C4BPA: variants seen among roughly 807,000 people sequenced by gnomAD.
C4BPA encodes complement component 4 binding protein alpha.
Under a neutral mutation model 63.7 loss-of-function variants are expected in C4BPA, and 31 were observed. The observed-to-expected ratio is 0.49, with a 90% CI of 0.37 to 0.66. The LOEUF is 0.66. Among genes scored for constraint, C4BPA ranks in the 30% least tolerant of loss-of-function variants. The pLI is 0.00. For synonymous variants in C4BPA, 259 were observed against 254.7 expected, an observed-to-expected ratio of 1.02 and a Z score of -0.16; for missense variants, 572 against 723.3, an observed-to-expected ratio of 0.79 and a Z score of 2.40.
At position 207,143,809 on chromosome 1, in the gene C4BPA, C is replaced by T; in HGVS notation, c.1445-9C>T. 6.3e-7 allele frequency: 1 copy of T among 1,599,532 alleles called. No homozygotes were observed. Among genetic ancestry groups the T allele is most frequent in the Non-Finnish European group, 8.6e-7 (1 of 1,167,732 alleles). Reference sequence around the variant, plus strand: ...TTACAGATTTCTTAAAAATATGTTTCCATTACAGCTCTGTGTCGGAAACCA... The same window carrying T: ...TTACAGATTTCTTAAAAATATGTTTTCATTACAGCTCTGTGTCGGAAACCA... On this transcript the variant is annotated splice_polypyrimidine_tract_variant and intron_variant, in intron 10 of 11. Transcript: ENST00000367070.
intron 9 of C4BPA, among the ~76,000 whole-genome samples, chr1:207,139,910 T>TG (rs2102364218): frequency 6.6e-6 from 1 of 152,330 alleles, no homozygotes; most frequent in Non-Finnish European, 1.5e-5. Flanking sequence ...GACTTTTTAT[T>TG]GGGCCAAATG....
In C4BPA at chr1:207,124,161, C is replaced by T. The variant is rs1412438864; in HGVS notation, c.515-14C>T. On this transcript the variant is annotated splice_polypyrimidine_tract_variant and intron_variant, in intron 5 of 11. Transcript: ENST00000367070. ...TTCGCTGAGTATTTCTTTCTCTTCA[C>T]TCACTTACCTCAGTTGTCAAGTGTA... 1 of 1,607,714 alleles carries T rather than the reference C, an allele frequency of 6.2e-7. No individual in the cohort carries two copies.
At chr1:207,107,610 G>A (rs951478313) in intron 1 of C4BPA, among the ~76,000 whole-genome samples, 2 of 152,128 alleles carry the variant, frequency 1.3e-5, no homozygotes, top group African/African-American at 4.8e-5. Flanking sequence ...ACTGAAGCAT[G>A]GTGTTCTAAG....
At chr1:207,114,068 GT>G in intron 2 of C4BPA, 31 bp from the exon 3 acceptor site, 2 of 1,591,842 alleles carry the variant, frequency 1.3e-6, no homozygotes, top group Non-Finnish European at 8.6e-7. Flanking sequence ...CAAGGTATAA[GT>G]TTTGGTGCTC....
At chr1:207,134,683 A>T in intron 9 of C4BPA, 91 bp downstream of exon 9, 1 of 858,726 alleles carries the variant, frequency 1.2e-6, no homozygotes, top group Non-Finnish European at 1.8e-6. Context: ...TAGGTAAAAA[A>T]ATTCATATAC....
At chr1:207,120,406 G>A (rs11120233) in intron 4 of C4BPA, among the ~76,000 whole-genome samples, 81,293 of 151,996 alleles carry the variant, frequency 0.53, 24,831 homozygotes, top group East Asian at 0.73. Context: ...TGCTAAATCC[G>A]GCAACTCTAA....
At chr1:207,127,013 A>G (rs1372945417) in intron 7 of C4BPA, 118 bp downstream of exon 7, 2 of 694,286 alleles carry the variant, frequency 2.9e-6, no homozygotes, top group Admixed American at 5.6e-5. Flanking sequence ...ATTTACATCT[A>G]GATCAATAAT....
chr1:207,143,325 G>C (rs968546670), intron 10 of C4BPA, among the ~76,000 whole-genome samples: 17 of 151,756 alleles, frequency 1.1e-4, no homozygotes, highest in African/African-American at 4.1e-4. Flanking sequence ...TCACACACTG[G>C]GGCCTGTCAG....
intron 7 of C4BPA, among the ~76,000 whole-genome samples, chr1:207,128,979 T>G (rs1685106485): frequency 6.6e-6 from 1 of 152,050 alleles, no homozygotes; most frequent in Non-Finnish European, 1.5e-5. Flanking sequence ...AGCAGGAAAG[T>G]TCAAAGAATC....
At chr1:207,132,525 G>A (rs1685183554) in intron 8 of C4BPA, among the ~76,000 whole-genome samples, 1 of 152,128 alleles carries the variant, frequency 6.6e-6, no homozygotes, top group Admixed American at 6.5e-5. Flanking sequence ...ATGAAAAGTG[G>A]TAGTTTAGAT....
chr1:207,137,689 C>T (rs1029541374), intron 9 of C4BPA, among the ~76,000 whole-genome samples: 5 of 152,146 alleles, frequency 3.3e-5, no homozygotes, highest in African/African-American at 9.7e-5. Flanking sequence ...GCGATCTCGG[C>T]TCACGGCAAC....
chr1:207,114,453 G>A (rs1394700559), intron 3 of C4BPA, among the ~76,000 whole-genome samples, 168 bp downstream of exon 3: 1 of 150,422 alleles, frequency 6.6e-6, no homozygotes, highest in Non-Finnish European at 1.5e-5. Context: ...AAAAATTAGG[G>A]GTAGTTAATT....
intron 7 of C4BPA, among the ~76,000 whole-genome samples, chr1:207,130,801 G>A (rs1685143060): frequency 6.6e-6 from 1 of 152,108 alleles, no homozygotes; most frequent in Admixed American, 6.5e-5. Context: ...CTAGGGGGAG[G>A]TGGAAATAGG....
At chr1:207,128,220 A>G (rs1002665206) in intron 7 of C4BPA, among the ~76,000 whole-genome samples, 1 of 152,168 alleles carries the variant, frequency 6.6e-6, no homozygotes, top group African/African-American at 2.4e-5. Context: ...ATTGGCAGTT[A>G]TTATTCTCCC....
At chr1:207,127,607 A>T (rs544872102) in intron 7 of C4BPA, 3 of 152,272 alleles carry the variant, frequency 2.0e-5, no homozygotes, top group Non-Finnish European at 2.9e-5. Context: ...ACTTCTGGGG[A>T]TTTCTGGAGC....
Position 207,144,619 on chromosome 1 carries a change from A to C in C4BPA, c.1696A>C (p.Lys566Gln). 6.2e-7 allele frequency: 1 copy of C among 1,613,492 alleles called. No homozygotes were observed. The highest frequency in any genetic ancestry group is 1.1e-5 in the South Asian group (1 of 91,046). ...GTGTCTCCCAAACCCAGAGGATGTG[A>C]AAATGGCCCTGGAGGTATATAAGCT... is the stretch of plus-strand genomic sequence containing the variant. ...MQCLPNPEDV[K>Q]MALEVYKLSL... is the part of the protein sequence containing the mutation. The change falls in exon 12 of 12, where the codon AAA becomes CAA. Residue 566 changes from lysine to glutamine, a missense_variant. Coordinates refer to ENST00000367070, the MANE Select transcript of C4BPA (RefSeq NM_000715.4).
chr1:207,140,600 T>A (rs1283739210), intron 9 of C4BPA, among the ~76,000 whole-genome samples: 1 of 152,160 alleles, frequency 6.6e-6, no homozygotes, highest in Admixed American at 6.6e-5. Context: ...ACTATTTCAA[T>A]GTTCAAGTCA....
At chr1:207,130,270 A>T (rs55937600) in intron 7 of C4BPA, among the ~76,000 whole-genome samples, 30,542 of 152,162 alleles carry the variant, frequency 0.2, 3,598 homozygotes, top group East Asian at 0.27. Context: ...CATCCAGCAG[A>T]ATGGCTGTAA....
chr1:207,137,546 A>G (rs150076330), intron 9 of C4BPA, among the ~76,000 whole-genome samples: 2 of 152,326 alleles, frequency 1.3e-5, no homozygotes, highest in East Asian at 3.9e-4. Context: ...AATTATTATC[A>G]GAAGAAAGGA....
Sources: allele counts gnomAD v4.1 joint callset (sites outside exome capture counted in the v4.1 genomes callset), GRCh38; gene constraint gnomAD v4.1.1; transcripts MANE v1.5; gene names NCBI Gene and HGNC (gene_info 2026-07-23, HGNC 2026-07-21).